Variants in FMN2 observed in about 807,000 individuals in gnomAD.
FMN2 encodes formin 2, also known as formin-2.
A neutral mutation model predicts 142.3 loss-of-function variants in FMN2; 51 were observed. The observed-to-expected ratio is 0.36, with a 90% CI of 0.29 to 0.45. FMN2 has a LOEUF of 0.45. FMN2 is among the 20% of genes least tolerant of loss of function. FMN2 has a pLI of 1.00. For synonymous variants in FMN2, 882 were observed against 869.8 expected, an observed-to-expected ratio of 1.01 and a Z score of -0.25; for missense variants, 1,936 against 2,122.8, an observed-to-expected ratio of 0.91 and a Z score of 1.73.
At chr1:240,135,703 CAG>C (rs1553330035) in intron 2 of FMN2, among the ~76,000 whole-genome samples, 3 of 143,348 alleles carry the variant, frequency 2.1e-5, no homozygotes, top group Non-Finnish European at 4.5e-5. Context: ...TTTTTTGAGA[CAG>C]AGTCTCACTC....
intron 6 of FMN2, among the ~76,000 whole-genome samples, chr1:240,251,303 T>G (rs892697401): frequency 6.6e-6 from 1 of 152,160 alleles, no homozygotes; most frequent in Admixed American, 6.5e-5. Flanking sequence ...GGATTTTTTT[T>G]ATTTCTTCCT....
chr1:240,344,286 G>C (rs888395084), intron 13 of FMN2, among the ~76,000 whole-genome samples: 1 of 152,166 alleles, frequency 6.6e-6, no homozygotes, highest in Non-Finnish European at 1.5e-5. Context: ...AGAATTTTCT[G>C]TAATCTATGT....
chr1:240,320,974 C>T (rs916079036), intron 8 of FMN2, among the ~76,000 whole-genome samples: 1 of 152,148 alleles, frequency 6.6e-6, no homozygotes, highest in African/African-American at 2.4e-5. Context: ...GGGAAAAAGT[C>T]ATTTCCTTTG....
chr1:240,448,376 A>G (rs113720696), intron 16 of FMN2, among the ~76,000 whole-genome samples: 6 of 152,132 alleles, frequency 3.9e-5, no homozygotes, highest in Non-Finnish European at 8.8e-5. Context: ...ATGCATATAT[A>G]TGTGTGTGTG....
intron 13 of FMN2, among the ~76,000 whole-genome samples, chr1:240,340,115 T>G (rs977702044): frequency 1.3e-5 from 2 of 152,198 alleles, no homozygotes; most frequent in African/African-American, 4.8e-5. Context: ...TCAGTTTTTT[T>G]CCAGACTTTG....
chr1:240,135,003 T>C (rs959507828), intron 2 of FMN2, among the ~76,000 whole-genome samples: 1 of 152,210 alleles, frequency 6.6e-6, no homozygotes, highest in African/African-American at 2.4e-5. Context: ...ATGCTTTCCC[T>C]AGGTCAGTCT....
chr1:240,184,020 T>C (rs1665267138), intron 3 of FMN2, among the ~76,000 whole-genome samples: 1 of 152,088 alleles, frequency 6.6e-6, no homozygotes, highest in Non-Finnish European at 1.5e-5. Flanking sequence ...GAGGTTTATT[T>C]TCCATTCTTA....
chr1:240,433,087 C>T (rs78302690), intron 15 of FMN2, among the ~76,000 whole-genome samples: 5,127 of 152,120 alleles, frequency 0.034, 274 homozygotes, highest in African/African-American at 0.12. Flanking sequence ...GATGATTTTT[C>T]CTCTTTTTCC....
intron 8 of FMN2, among the ~76,000 whole-genome samples, chr1:240,325,269 A>G (rs892248631): frequency 6.7e-6 from 1 of 149,970 alleles, no homozygotes; most frequent in African/African-American, 2.5e-5. Flanking sequence ...ATTGAGCCCA[A>G]GAGGTCAAGG....
chr1:240,436,606 A>C (rs9727451), intron 15 of FMN2, among the ~76,000 whole-genome samples: 1 of 151,398 alleles, frequency 6.6e-6, no homozygotes, highest in South Asian at 2.1e-4. Flanking sequence ...GTACCCGGGA[A>C]GTGGAGGTTG....
At chr1:240,154,280 T>C (rs1663921294) in intron 2 of FMN2, among the ~76,000 whole-genome samples, 1 of 152,008 alleles carries the variant, frequency 6.6e-6, no homozygotes. Context: ...ACACAGATAG[T>C]ACAGAGTGCT....
At chr1:240,294,703 A>G (rs1037756903) in intron 7 of FMN2, 119 bp from the exon 8 acceptor site, 1 of 833,614 alleles carries the variant, frequency 1.2e-6, no homozygotes, top group Non-Finnish European at 2.0e-6. Context: ...AAGGGGAAAC[A>G]TTGAAGTTAA....
intron 16 of FMN2, chr1:240,472,114 G>A: frequency 2.8e-6 from 1 of 359,266 alleles, no homozygotes; most frequent in Non-Finnish European, 4.9e-6. Flanking sequence ...ACTCTGCATA[G>A]AAATTCTTAT....
In FMN2 at chr1:240,098,849, G is replaced by A. The variant is rs557894916; in HGVS notation, c.1615+5125G>A. On this transcript the variant is annotated intron_variant, in intron 1 of 17. Transcript: ENST00000319653. ...GGGCCTAGTTTTAAGAGCTTTAGGC[G>A]TTTGGATATAAGCCATGCGTATTTG... 5.9e-5 allele frequency among the ~76,000 whole-genome samples: 9 copies of A among 152,274 alleles called. No individual in the cohort carries two copies. In the South Asian group the frequency reaches 6.2e-4, roughly 11 times the overall value.
At chr1:240,388,782 A>T (rs1673502794) in intron 14 of FMN2, among the ~76,000 whole-genome samples, 1 of 150,770 alleles carries the variant, frequency 6.6e-6, no homozygotes, top group Non-Finnish European at 1.5e-5. Context: ...GAATCACTTG[A>T]ACCTGGGAGG....
intron 6 of FMN2, among the ~76,000 whole-genome samples, chr1:240,238,904 A>G (rs548459476): frequency 2.6e-5 from 4 of 152,208 alleles, no homozygotes; most frequent in East Asian, 1.9e-4. Context: ...GTTTCCATTT[A>G]TGATGCTCAA....
chr1:240,441,255 T>A (rs113392077), intron 16 of FMN2, among the ~76,000 whole-genome samples: 20,607 of 152,004 alleles, frequency 0.14, 1,944 homozygotes, highest in East Asian at 0.31. Context: ...AGTCTCCCAA[T>A]GTGCTGGGAT....
At chr1:240,443,955 G>C (rs1190637766) in intron 16 of FMN2, among the ~76,000 whole-genome samples, 1 of 152,064 alleles carries the variant, frequency 6.6e-6, no homozygotes, top group African/African-American at 2.4e-5. Context: ...TGTGGAGCTA[G>C]GATAACAAGA....
intron 6 of FMN2, among the ~76,000 whole-genome samples, chr1:240,239,450 T>C (rs1667818518): frequency 6.6e-6 from 1 of 152,234 alleles, no homozygotes; most frequent in African/African-American, 2.4e-5. Context: ...CATCATAAAT[T>C]AACTCACTGA....
Sources: gnomAD v4.1 joint callset for allele counts (sites outside exome capture counted in the v4.1 genomes callset) on GRCh38, gnomAD v4.1.1 for gene constraint, MANE v1.5 for transcripts, NCBI Gene and HGNC (gene_info 2026-07-23, HGNC 2026-07-21) for gene names.